The following UGT1A8 variants were observed in gnomAD, a reference collection of about 807,000 sequenced individuals.
UGT1A8 encodes UDP glucuronosyltransferase family 1 member A8, also known as UDP-glucuronosyltransferase 1A8.
In UGT1A8, 39 loss-of-function variants were observed where a neutral mutation model predicts 45.3. The ratio of observed to expected loss-of-function variants is 0.86; its 90% confidence interval spans 0.67 to 1.12. The LOEUF (loss-of-function observed/expected upper bound fraction) is 1.12. UGT1A8 is among the 50% of genes most tolerant of loss of function. The pLI is 0.00. For synonymous variants in UGT1A8, 275 were observed against 249.2 expected (o/e 1.10, Z -0.97); for missense variants, 719 against 664.9 (o/e 1.08, Z -0.90).
chr2:233,634,070 A>G (rs2073236294), intron 1 of UGT1A8, among the ~76,000 whole-genome samples: 1 of 152,204 alleles, frequency 6.6e-6, no homozygotes, highest in African/African-American at 2.4e-5. Context: ...TTATTTACCC[A>G]GTAGTAATGC....
At chr2:233,759,502 A>G (rs1487597943) in intron 1 of UGT1A8, among the ~76,000 whole-genome samples, 1 of 152,052 alleles carries the variant, frequency 6.6e-6, no homozygotes, top group Non-Finnish European at 1.5e-5. Flanking sequence ...GGTTCACACT[A>G]ATAAAGGCCT....
intron 1 of UGT1A8, chr2:233,719,611 A>G: frequency 6.2e-7 from 1 of 1,613,980 alleles, no homozygotes; most frequent in Non-Finnish European, 8.5e-7. Flanking sequence ...TTTGTGATGG[A>G]CTACCCCAGG....
At chr2:233,744,714 G>C (rs1253738430) in intron 1 of UGT1A8, among the ~76,000 whole-genome samples, 4 of 151,880 alleles carry the variant, frequency 2.6e-5, no homozygotes, top group Non-Finnish European at 5.9e-5. Context: ...ACACTTGTGA[G>C]AGAATGACGG....
At chr2:233,718,852 G>T in intron 1 of UGT1A8, 2 of 1,613,718 alleles carry the variant, frequency 1.2e-6, no homozygotes, top group Non-Finnish European at 1.7e-6. Flanking sequence ...CCCCTGCCGC[G>T]GCTGGCCACA....
intron 1 of UGT1A8, chr2:233,693,652 G>T (rs762827824): frequency 8.1e-6 from 13 of 1,614,184 alleles, no homozygotes; most frequent in African/African-American, 1.3e-5. Context: ...TTGTTAATTT[G>T]TTGGAGCCCT....
At chr2:233,760,223 T>G (rs1453955510) in intron 1 of UGT1A8, 1 of 1,589,146 alleles carries the variant, frequency 6.3e-7, no homozygotes, top group African/African-American at 1.5e-5. Flanking sequence ...GTGTATCGAT[T>G]GGTTTTTGCC....
intron 1 of UGT1A8, among the ~76,000 whole-genome samples, chr2:233,684,791 C>G (rs2125530049): frequency 6.6e-6 from 1 of 152,178 alleles, no homozygotes; most frequent in South Asian, 2.1e-4. Context: ...GCAAAGAGCC[C>G]TGGATATGGC....
chr2:233,718,946 C>T (rs1373518014), intron 1 of UGT1A8: 1 of 1,614,072 alleles, frequency 6.2e-7, no homozygotes, highest in African/African-American at 1.3e-5. Context: ...GCCCCTGGCT[C>T]AGCATGCGGG....
rs187768174 is a variant in UGT1A8, at chr2:233,743,103, C to T, written c.856-23931C>T. 4.1e-3 allele frequency: 1,437 copies of T among 353,348 alleles called. 18 individuals carry two copies. Among genetic ancestry groups the T allele is most frequent in the South Asian group, 0.019 (861 of 45,444 alleles). 21.9% of individuals were successfully genotyped at this position (353,348 alleles called of 1,614,324 possible). A position where few individuals can be genotyped will look rare whatever the true frequency, so the allele number is the denominator to read the frequency against. ...AGTGTTTATAAATTCTTGGGTACAG[C>T]TGTTCTGAAAGTAAAGTTCACTTTC... On this transcript the variant is annotated intron_variant, in intron 1 of 4. Transcript: ENST00000373450.
chr2:233,719,883 T>G (rs871514), intron 1 of UGT1A8, among the ~76,000 whole-genome samples: 1 of 151,918 alleles, frequency 6.6e-6, no homozygotes, highest in Non-Finnish European at 1.5e-5. Context: ...GAGGCACGGA[T>G]GAGGGTCTGT....
intron 1 of UGT1A8, among the ~76,000 whole-genome samples, chr2:233,750,926 G>A (rs939892463): frequency 5.3e-5 from 8 of 151,868 alleles, no homozygotes; most frequent in African/African-American, 1.9e-4. Flanking sequence ...AAAGAAATGT[G>A]AGGTTGGAGC....
chr2:233,687,647 A>G (rs1455548663), intron 1 of UGT1A8, among the ~76,000 whole-genome samples: 1 of 151,938 alleles, frequency 6.6e-6, no homozygotes, highest in Non-Finnish European at 1.5e-5. Context: ...TCACACATGT[A>G]ATCACAGCAC....
intron 1 of UGT1A8, among the ~76,000 whole-genome samples, chr2:233,704,131 T>A (rs2075768920): frequency 6.6e-6 from 1 of 152,080 alleles, no homozygotes; most frequent in Non-Finnish European, 1.5e-5. Context: ...CCTCAAGTGA[T>A]CCACCCGCCT....
chr2:233,701,994 C>G (rs1220437125), intron 1 of UGT1A8, among the ~76,000 whole-genome samples: 1 of 152,050 alleles, frequency 6.6e-6, no homozygotes, highest in East Asian at 1.9e-4. Context: ...TAACTAAGAT[C>G]AGAGCAGAAC....
chr2:233,637,815 G>A (rs2073341296), intron 1 of UGT1A8, among the ~76,000 whole-genome samples: 1 of 152,074 alleles, frequency 6.6e-6, no homozygotes. Flanking sequence ...CTAGTATTGG[G>A]CTGAACATAT....
At chr2:233,660,318 C>T (rs2602374) in intron 1 of UGT1A8, among the ~76,000 whole-genome samples, 32,751 of 152,014 alleles carry the variant, frequency 0.22, 4,364 homozygotes, top group South Asian at 0.38. Context: ...GCCTTGTAAC[C>T]CCTTGTTCTA....
chr2:233,678,504 A>G (rs1290179330), intron 1 of UGT1A8, among the ~76,000 whole-genome samples: 1 of 152,144 alleles, frequency 6.6e-6, no homozygotes, highest in Non-Finnish European at 1.5e-5. Flanking sequence ...ATGGAAATAC[A>G]TCATAATTAC....
At chr2:233,756,295 G>A (rs1165667347) in intron 1 of UGT1A8, 3 of 152,134 alleles carry the variant, frequency 2.0e-5, no homozygotes, top group East Asian at 3.8e-4. Flanking sequence ...CACAGTATTT[G>A]TATATAACCT....
intron 1 of UGT1A8, chr2:233,760,589 A>T: frequency 6.2e-7 from 1 of 1,614,196 alleles, no homozygotes; most frequent in South Asian, 1.1e-5. Flanking sequence ...AATGTTTTTG[A>T]GAATGATTCT....
Sources: allele counts gnomAD v4.1 joint callset (sites outside exome capture counted in the v4.1 genomes callset), GRCh38; gene constraint gnomAD v4.1.1; transcripts MANE v1.5; gene names NCBI Gene and HGNC (gene_info 2026-07-23, HGNC 2026-07-21).